Variants in CCDC85A observed in about 807,000 individuals in gnomAD.
CCDC85A encodes the protein coiled-coil domain-containing protein 85A.
A neutral mutation model predicts 50.2 loss-of-function variants in CCDC85A; 38 were observed. The ratio of observed to expected loss-of-function variants is 0.76; its 90% CI spans 0.58 to 0.99. The LOEUF (loss-of-function observed/expected upper bound fraction) is 0.99, where lower values mean the gene tolerates loss of function less well. CCDC85A is among the 50% of genes least tolerant of loss of function. The pLI, the probability that CCDC85A is intolerant of heterozygous loss-of-function variation, is 0.00. For synonymous variants in CCDC85A, 366 were observed against 301.4 expected, an observed-to-expected ratio of 1.21 and a Z score of -2.22; for missense variants, 820 against 742.0, an observed-to-expected ratio of 1.11 and a Z score of -1.22.
At chr2:56,336,092 C>T (rs1206653114) in intron 2 of CCDC85A, among the ~76,000 whole-genome samples, 1 of 152,138 alleles carries the variant, frequency 6.6e-6, no homozygotes, top group East Asian at 1.9e-4. Flanking sequence ...AAGCTAACAT[C>T]TATAAACTCA....
chr2:56,342,805 A>G, intron 2 of CCDC85A, 74 bp from the exon 3 acceptor site: 1 of 936,864 alleles, frequency 1.1e-6, no homozygotes, highest in Non-Finnish European at 1.6e-6. Context: ...TGAATAAATC[A>G]AGCCAGAAAT....
rs111725431 is a variant in CCDC85A, at chr2:56,332,691, C to T, written c.1241-10188C>T. 4.5e-3 allele frequency among the ~76,000 whole-genome samples: 605 copies of T among 135,658 alleles called. 4 individuals carry two copies. Among genetic ancestry groups the T allele is most frequent in the African/African-American group, 0.015 (563 of 37,596 alleles). The allele number at this position is 135,658 out of a possible 152,430, so 89.0% of individuals were successfully genotyped here. A position where few individuals can be genotyped will look rare whatever the true frequency, so the allele number is the denominator to read the frequency against. On this transcript the variant is annotated intron_variant, in intron 2 of 5. Coordinates refer to ENST00000407595, the MANE Select transcript of CCDC85A (RefSeq NM_001080433.2). ...TCTCTCACTGCCCCCCCTTTTCCCC[C>T]CTCTCTCCCTCTTCTCTCCCTGCTC...
intron 2 of CCDC85A, among the ~76,000 whole-genome samples, chr2:56,339,705 T>C (rs1433483853): frequency 6.6e-6 from 1 of 152,190 alleles, no homozygotes; most frequent in Non-Finnish European, 1.5e-5. Flanking sequence ...AAATAGAATA[T>C]TGCTGATGAA....
rs1308577622 is a variant in CCDC85A, at chr2:56,193,164, T to C, written c.964T>C (p.Ser322Pro). ...GSPEHFQKHR[S>P]GSSPEHARHS... The stretch of plus-strand genomic sequence containing the variant: ...CCCGGAACACTTCCAGAAGCACCGG[T>C]CAGGGAGCAGCCCTGAACACGCCAG... The change falls in exon 2 of 6, where the codon TCA becomes CCA. Residue 322 changes from serine (S) to proline (P), a missense_variant. By Grantham distance (74) the Ser-to-Pro change is moderately conservative. Coordinates refer to ENST00000407595, the MANE Select transcript of CCDC85A (RefSeq NM_001080433.2). 47 of 1,611,156 alleles carry C rather than the reference T, an allele frequency of 2.9e-5. No individual in the cohort carries two copies. Among genetic ancestry groups the C allele is most frequent in the Non-Finnish European group, 3.6e-5 (43 of 1,178,770 alleles).
At chr2:56,312,113 A>G (rs1191680037) in intron 2 of CCDC85A, among the ~76,000 whole-genome samples, 5 of 152,136 alleles carry the variant, frequency 3.3e-5, no homozygotes, top group East Asian at 1.9e-4. Flanking sequence ...AGAAAAAATG[A>G]TTAAGAGAAG....
At chr2:56,279,082 C>T (rs759962773) in intron 2 of CCDC85A, among the ~76,000 whole-genome samples, 4 of 152,130 alleles carry the variant, frequency 2.6e-5, no homozygotes, top group Non-Finnish European at 4.4e-5. Context: ...CTCCACAGTC[C>T]CCTCTCTTCT....
At position 56,329,763 on chromosome 2, in the gene CCDC85A, C is replaced by T. The variant is rs147645163; in HGVS notation, c.1241-13116C>T. On this transcript the variant is annotated intron_variant, in intron 2 of 5. Transcript: ENST00000407595. ...ATTGATTAAGTTCAAATTAATGATGCTTTGCTGTATAATTTGATAAAAATT... is the reference window on the plus strand; with the variant it reads ...ATTGATTAAGTTCAAATTAATGATGTTTTGCTGTATAATTTGATAAAAATT... Among the ~76,000 whole-genome samples the T allele has an allele frequency of 6.2e-3, 943 of 152,018 alleles. 32 individuals are homozygous for T. Among genetic ancestry groups the T allele is most frequent in the Admixed American group, 0.055 (847 of 15,272 alleles).
intron 2 of CCDC85A, among the ~76,000 whole-genome samples, chr2:56,231,755 G>T (rs546213215): frequency 6.6e-6 from 1 of 152,126 alleles, no homozygotes; most frequent in Non-Finnish European, 1.5e-5. Flanking sequence ...GTAGGAAAAA[G>T]ATCCTGAACT....
chr2:56,309,312 C>T (rs1223062825), intron 2 of CCDC85A, among the ~76,000 whole-genome samples: 2 of 152,100 alleles, frequency 1.3e-5, no homozygotes, highest in African/African-American at 2.4e-5. Flanking sequence ...CTACACAGAT[C>T]GTAGCAGTTT....
chr2:56,200,382 T>C (rs1676684752), intron 2 of CCDC85A, among the ~76,000 whole-genome samples: 1 of 152,208 alleles, frequency 6.6e-6, no homozygotes. Flanking sequence ...AATCGTTCCA[T>C]GTTCTGAAAT....
At chr2:56,338,443 G>A (rs1674190465) in intron 2 of CCDC85A, among the ~76,000 whole-genome samples, 1 of 152,120 alleles carries the variant, frequency 6.6e-6, no homozygotes, top group African/African-American at 2.4e-5. Context: ...GGGGGTTGCA[G>A]CGGATGTGGT....
At position 56,253,274 on chromosome 2, in the gene CCDC85A, T is replaced by C. The variant is rs558213812; in HGVS notation, c.1240+59834T>C. Among the ~76,000 whole-genome samples, 8 of 152,268 alleles carry C rather than the reference T, an allele frequency of 5.3e-5. No individual in the cohort carries two copies. The East Asian group carries it at 1.5e-3, about 29-fold the overall frequency. ...ATAAGCTGCTTTAGAGATTTTTGTC[T>C]AGAGCAAGAGACTAGAAAAGATTCT... On this transcript the variant is annotated intron_variant, in intron 2 of 5. Coordinates refer to ENST00000407595, the MANE Select transcript of CCDC85A (RefSeq NM_001080433.2).
chr2:56,382,097 A>C (rs915175054), intron 5 of CCDC85A, among the ~76,000 whole-genome samples: 1 of 152,026 alleles, frequency 6.6e-6, no homozygotes, highest in African/African-American at 2.4e-5. Flanking sequence ...AAACAATTTA[A>C]AAATGTTATT....
intron 2 of CCDC85A, among the ~76,000 whole-genome samples, chr2:56,310,387 C>A (rs1017336424): frequency 3.3e-5 from 5 of 152,084 alleles, no homozygotes; most frequent in Admixed American, 3.3e-4. Flanking sequence ...GTACTCAGTC[C>A]TGTCAATTGC....
chr2:56,275,869 A>G (rs936931549), intron 2 of CCDC85A, among the ~76,000 whole-genome samples: 11 of 152,216 alleles, frequency 7.2e-5, no homozygotes, highest in African/African-American at 2.4e-4. Flanking sequence ...GCAAAAGTTC[A>G]TCACGAATCT....
chr2:56,197,907 C>G (rs1011873256), intron 2 of CCDC85A, among the ~76,000 whole-genome samples: 3 of 152,170 alleles, frequency 2.0e-5, no homozygotes, highest in Non-Finnish European at 4.4e-5. Flanking sequence ...GCCTTTACAT[C>G]CAGATAGAAA....
intron 5 of CCDC85A, chr2:56,379,890 C>T: frequency 1.0e-5 from 6 of 594,400 alleles, no homozygotes; most frequent in African/African-American, 2.0e-5. Context: ...TGTTGAAAGC[C>T]ACATCGTAGC....
intron 2 of CCDC85A, among the ~76,000 whole-genome samples, chr2:56,282,471 A>G (rs1465669208): frequency 6.6e-6 from 1 of 152,224 alleles, no homozygotes; most frequent in African/African-American, 2.4e-5. Flanking sequence ...GTGTCTATAT[A>G]TTTTAATAAT....
chr2:56,228,340 A>ATAC lies in CCDC85A; in HGVS notation c.1240+34902_1240+34903insCTA, dbSNP rs1343101833. Among the ~76,000 whole-genome samples the ATAC allele has an allele frequency of 2.0e-5, 3 of 151,082 alleles. No homozygotes were observed. The East Asian group carries it at 5.8e-4, about 29-fold the overall frequency. On this transcript the variant is annotated intron_variant, in intron 2 of 5. Transcript: ENST00000407595. ...AACTTAAAGTATAATAATAATAATA[A>ATAC]TAATAAAATTGAGGATAATAATAGT...
Sources: gnomAD v4.1 joint callset for allele counts (sites outside exome capture counted in the v4.1 genomes callset) on GRCh38, gnomAD v4.1.1 for gene constraint, MANE v1.5 for transcripts, NCBI Gene and HGNC (gene_info 2026-07-23, HGNC 2026-07-21) for gene names.